IQCJ: variants seen among roughly 807,000 people sequenced by gnomAD.
The protein encoded by IQCJ is IQ domain-containing protein J.
Under a neutral mutation model 11.0 loss-of-function variants are expected in IQCJ, and 9 were observed. The observed-to-expected ratio is 0.82, with a 90% confidence interval of 0.49 to 1.43. IQCJ has a LOEUF of 1.43. Among genes scored for constraint, IQCJ ranks in the 40% most tolerant of loss-of-function variants. IQCJ has a pLI of 0.00. For missense variants in IQCJ, 146 were observed against 133.2 expected, an observed-to-expected ratio of 1.10 and a Z score of -0.47; for synonymous variants, 55 against 51.3, an observed-to-expected ratio of 1.07 and a Z score of -0.31.
chr3:159,254,632 A>G (rs1345458619), intron 3 of IQCJ, among the ~76,000 whole-genome samples: 3 of 152,158 alleles, frequency 2.0e-5, no homozygotes, highest in Non-Finnish European at 4.4e-5. Context: ...CTCTCTGCAT[A>G]CATGAGACCT....
downstream of IQCJ, chr3:159,263,892 G>GCCATTCCCCTAAA: frequency 1.2e-6 from 1 of 867,204 alleles, no homozygotes; most frequent in Non-Finnish European, 1.4e-6. Flanking sequence ...ATTATTTAGG[G>GCCATTCCCCTAAA]GAATGGCTTA....
chr3:159,169,890 C>T (rs1334762629), intron 1 of IQCJ, among the ~76,000 whole-genome samples: 2 of 152,166 alleles, frequency 1.3e-5, no homozygotes, highest in Non-Finnish European at 2.9e-5. Context: ...CCAGACCTGA[C>T]TTGTACCCAT....
At chr3:159,168,037 T>C (rs1026621267) in intron 1 of IQCJ, among the ~76,000 whole-genome samples, 31 of 152,240 alleles carry the variant, frequency 2.0e-4, no homozygotes, top group East Asian at 1.9e-4. Context: ...CTGGCCTTTT[T>C]CCCCCAATTC....
intron 1 of IQCJ, among the ~76,000 whole-genome samples, chr3:159,194,987 T>C (rs967481126): frequency 5.9e-5 from 9 of 152,098 alleles, no homozygotes; most frequent in Admixed American, 1.3e-4. Context: ...GGCATGAGCC[T>C]GTAATCCCAG....
At chr3:159,233,575 G>C (rs1234848822) in intron 1 of IQCJ, among the ~76,000 whole-genome samples, 1 of 152,168 alleles carries the variant, frequency 6.6e-6, no homozygotes, top group Non-Finnish European at 1.5e-5. Context: ...CCTGCTATTT[G>C]CCTGGTGCAA....
At chr3:159,193,233 G>A (rs1723791630) in intron 1 of IQCJ, among the ~76,000 whole-genome samples, 1 of 152,168 alleles carries the variant, frequency 6.6e-6, no homozygotes, top group South Asian at 2.1e-4. Flanking sequence ...GAGTTGTGAA[G>A]ATGAGACACA....
At chr3:159,199,145 C>A (rs1724168553) in intron 1 of IQCJ, among the ~76,000 whole-genome samples, 1 of 152,100 alleles carries the variant, frequency 6.6e-6, no homozygotes, top group Non-Finnish European at 1.5e-5. Context: ...CCTTAATCTT[C>A]CCAGGAAGTG....
Position 159,121,417 on chromosome 3 carries a change from A to G in IQCJ, c.9+51976A>G, listed in dbSNP as rs546705640. 2.0e-4 allele frequency among the ~76,000 whole-genome samples: 31 copies of G among 152,276 alleles called. 4 individuals carry two copies. The South Asian group carries it at 6.4e-3, about 32-fold the overall frequency. On this transcript the variant is annotated intron_variant, in intron 1 of 3. Coordinates refer to ENST00000397832, the MANE Select transcript of IQCJ (RefSeq NM_001042706.3). The stretch of plus-strand genomic sequence containing the variant: ...CCAAAGTGTTAGGATTACAGGTATG[A>G]GCCGCTGCGCCCAGCTTAAGCTGAG...
chr3:159,188,414 AC>A (rs1445707564), intron 1 of IQCJ, among the ~76,000 whole-genome samples: 9 of 146,712 alleles, frequency 6.1e-5, no homozygotes, highest in African/African-American at 1.9e-4. Flanking sequence ...CTATCTCAAA[AC>A]AAAAACAAAA....
intron 1 of IQCJ, among the ~76,000 whole-genome samples, chr3:159,171,375 C>G (rs1722478235): frequency 6.6e-6 from 1 of 152,148 alleles, no homozygotes; most frequent in East Asian, 1.9e-4. Flanking sequence ...AGACACTGTC[C>G]TTATCCAAAG....
At chr3:159,188,440 CA>C (rs942773302) in intron 1 of IQCJ, among the ~76,000 whole-genome samples, 45 of 151,992 alleles carry the variant, frequency 3.0e-4, no homozygotes, top group African/African-American at 8.7e-4. Context: ...CAACAAAAAA[CA>C]AAAAAACAAC....
intron 1 of IQCJ, among the ~76,000 whole-genome samples, chr3:159,144,939 A>G (rs933744922): frequency 6.6e-6 from 1 of 152,136 alleles, no homozygotes; most frequent in Non-Finnish European, 1.5e-5. Context: ...CTGCTCACAG[A>G]TGGTTAAAAG....
At chr3:159,122,314 G>C (rs1438066125) in intron 1 of IQCJ, among the ~76,000 whole-genome samples, 1 of 152,144 alleles carries the variant, frequency 6.6e-6, no homozygotes, top group Non-Finnish European at 1.5e-5. Flanking sequence ...GTTCATAACA[G>C]ATTACATGCA....
chr3:159,139,793 C>T (rs1720497936), intron 1 of IQCJ, among the ~76,000 whole-genome samples: 1 of 152,086 alleles, frequency 6.6e-6, no homozygotes, highest in South Asian at 2.1e-4. Context: ...GAGAAGTGCC[C>T]ATCTCTCCAA....
chr3:159,181,032 T>C (rs1214693535), intron 1 of IQCJ, among the ~76,000 whole-genome samples: 1 of 151,934 alleles, frequency 6.6e-6, no homozygotes, highest in Admixed American at 6.5e-5. Context: ...CCTTCATAGC[T>C]AAGTATCTTC....
chr3:159,095,384 T>C (rs900372907), intron 1 of IQCJ, among the ~76,000 whole-genome samples: 2 of 150,848 alleles, frequency 1.3e-5, no homozygotes, highest in Admixed American at 6.6e-5. Context: ...TTTATTATAC[T>C]CTAAGTTTTA....
chr3:159,116,669 T>TAC lies in IQCJ; in HGVS notation c.9+47231_9+47232dup, dbSNP rs1242789687. 2.4e-3 allele frequency among the ~76,000 whole-genome samples: 58 copies of TAC among 24,096 alleles called. 1 individual carries two copies. Among genetic ancestry groups the TAC allele is most frequent in the African/African-American group, 8.0e-3 (45 of 5,604 alleles). The allele number at this position is 24,096 out of a possible 152,430, so 15.8% of individuals were successfully genotyped here. The stretch of plus-strand genomic sequence containing the variant: ...ATATATATATATATATATATATATA[T>TAC]ACACCCTTCATCTAGATTTTCTCAT... On this transcript the variant is annotated intron_variant, in intron 1 of 3. Coordinates refer to ENST00000397832, the MANE Select transcript of IQCJ (RefSeq NM_001042706.3).
At chr3:159,177,057 A>G (rs1205148628) in intron 1 of IQCJ, among the ~76,000 whole-genome samples, 4 of 152,184 alleles carry the variant, frequency 2.6e-5, no homozygotes, top group Admixed American at 1.3e-4. Flanking sequence ...ATCCCAAAAG[A>G]TCCTGCTAGT....
intron 1 of IQCJ, among the ~76,000 whole-genome samples, chr3:159,090,314 A>G (rs1717165528): frequency 6.6e-6 from 1 of 151,858 alleles, no homozygotes; most frequent in East Asian, 1.9e-4. Flanking sequence ...TGCTGGGAGA[A>G]CCACTGCTCT....
Sources: allele counts gnomAD v4.1 joint callset (sites outside exome capture counted in the v4.1 genomes callset), GRCh38; gene constraint gnomAD v4.1.1; transcripts MANE v1.5; gene names NCBI Gene and HGNC (gene_info 2026-07-23, HGNC 2026-07-21).